The following TP53INP1 variants were observed in gnomAD, a reference collection of about 807,000 sequenced individuals.
TP53INP1 encodes the protein tumor protein p53 inducible nuclear protein 1, also known as tumor protein p53-inducible nuclear protein 1.
In TP53INP1, 12 loss-of-function variants were observed where a neutral mutation model predicts 21.0. The ratio of observed to expected loss-of-function variants is 0.57; its 90% CI spans 0.37 to 0.93. The LOEUF is 0.93. Among genes scored for constraint, TP53INP1 ranks in the 40% least tolerant of loss-of-function variants. The probability of loss-of-function intolerance (pLI) is 0.01; values close to 1 mark genes in which losing one functional copy is unlikely to be tolerated. For synonymous variants in TP53INP1, 91 were observed against 94.8 expected, an observed-to-expected ratio of 0.96 and a Z score of 0.23; for missense variants, 274 against 294.7, an observed-to-expected ratio of 0.93 and a Z score of 0.51.
At position 94,929,377 on chromosome 8, in the gene TP53INP1, C is replaced by T. The variant is rs1403906821; in HGVS notation, c.*1102G>A. 3 of 151,436 alleles carry T rather than the reference C, an allele frequency of 2.0e-5. No homozygotes were observed. Among genetic ancestry groups the T allele is most frequent in the East Asian group, 1.9e-4 (1 of 5,146 alleles). The allele number at this position is 151,436 out of a possible 1,614,324, so 9.4% of individuals were successfully genotyped here. ...GAAGTTAAAACAAAAAATGAAAAGT[C>T]ACTTGGACTGCAGGGAAGAATACTT... On this transcript the variant is annotated 3_prime_UTR_variant, in exon 4 of 4. Coordinates refer to ENST00000342697, the MANE Select transcript of TP53INP1 (RefSeq NM_033285.4).
chr8:94,936,704 T>C (rs1821009828), intron 3 of TP53INP1, among the ~76,000 whole-genome samples: 1 of 151,990 alleles, frequency 6.6e-6, no homozygotes, highest in Admixed American at 6.5e-5. Flanking sequence ...TTGAGGGGTA[T>C]ATTAGGACAT....
intron 1 of TP53INP1, among the ~76,000 whole-genome samples, chr8:94,948,381 A>T (rs1037179798): frequency 5.9e-5 from 9 of 152,218 alleles, no homozygotes; most frequent in African/African-American, 2.2e-4. Context: ...CCCCCAGCAT[A>T]GTATATGGCA....
intron 1 of TP53INP1, among the ~76,000 whole-genome samples, chr8:94,948,349 C>CAACATT (rs1822197542): frequency 6.6e-6 from 1 of 152,294 alleles, no homozygotes; most frequent in African/African-American, 2.4e-5. Flanking sequence ...TTATGAGAAT[C>CAACATT]AACTGGGGCG....
rs1410868570 is a variant in TP53INP1, at chr8:94,930,516, A to G, written c.686T>C (p.Val229Ala). The change falls in exon 4 of 4, where the codon GTT (valine) becomes GCT (alanine). Residue 229 changes from valine (V) to alanine (A), a missense_variant. Physicochemically the swap from Val to Ala is moderately conservative, Grantham distance 64. Coordinates refer to ENST00000342697, the MANE Select transcript of TP53INP1 (RefSeq NM_033285.4). ...HPRQVKHNGW[V>A]VHQPCPRQYN... ...CTGACGCGGGCAGGGCTGATGAACA[A>G]CCCAGCCATTGTGCTTGACTTGCCG... is the stretch of plus-strand genomic sequence containing the variant. 1 of 1,614,214 alleles carries G rather than the reference A, an allele frequency of 6.2e-7. No homozygotes were observed.
chr8:94,945,806 C>T (rs1464248368), intron 1 of TP53INP1, among the ~76,000 whole-genome samples: 3 of 152,208 alleles, frequency 2.0e-5, no homozygotes, highest in African/African-American at 2.4e-5. Context: ...GGTGAAGTAG[C>T]GCTGTTGTTC....
At chr8:94,943,523 G>A (rs1821740342) in intron 1 of TP53INP1, among the ~76,000 whole-genome samples, 1 of 152,114 alleles carries the variant, frequency 6.6e-6, no homozygotes, top group African/African-American at 2.4e-5. Flanking sequence ...ATCATCCAGG[G>A]CTGAAGAAAT....
intron 3 of TP53INP1, among the ~76,000 whole-genome samples, chr8:94,938,860 T>C (rs929374237): frequency 6.6e-6 from 1 of 152,208 alleles, no homozygotes; most frequent in Non-Finnish European, 1.5e-5. Context: ...AACACCAGTT[T>C]ACAGCTGGTT....
Position 94,949,139 on chromosome 8 carries a change from C to A in TP53INP1, c.-151+15G>T, listed in dbSNP as rs1822310735. ...GCCCTGGACGGACGCCCGCCCGCCC[C>A]CCCCCGGCACTTACGTGGGCCCGGG... On this transcript the variant is annotated intron_variant, in intron 1 of 3. Coordinates refer to ENST00000342697, the MANE Select transcript of TP53INP1 (RefSeq NM_033285.4). The A allele has an allele frequency of 6.7e-6, 1 of 149,354 alleles. No individual in the cohort carries two copies. The highest frequency in any genetic ancestry group is 1.5e-5 in the Non-Finnish European group (1 of 66,944). The allele number at this position is 149,354 out of a possible 1,614,324, so 9.3% of individuals were successfully genotyped here.
chr8:94,938,151 A>G (rs1436553164), intron 3 of TP53INP1, among the ~76,000 whole-genome samples: 1 of 152,234 alleles, frequency 6.6e-6, no homozygotes, highest in Non-Finnish European at 1.5e-5. Context: ...GGGTGAAGCT[A>G]CGTGTTTGCT....
intron 3 of TP53INP1, among the ~76,000 whole-genome samples, chr8:94,931,741 G>A (rs1820421260): frequency 6.6e-6 from 1 of 152,184 alleles, no homozygotes; most frequent in South Asian, 2.1e-4. Flanking sequence ...TTGGGAGGCT[G>A]AGGCAGGTGG....
chr8:94,934,389 ATTT>A (rs757874716), intron 3 of TP53INP1, among the ~76,000 whole-genome samples: 2 of 143,352 alleles, frequency 1.4e-5, no homozygotes, highest in Non-Finnish European at 3.1e-5. Flanking sequence ...TATAAATTCT[ATTT>A]TTTTTTTTTT....
rs144109211 is a variant in TP53INP1 at position 94,930,605 on chromosome 8, A to G, written c.597T>C (p.Ser199=). 3.1e-6 allele frequency: 5 copies of G among 1,614,218 alleles called. No homozygotes were observed. The African/African-American group carries it at 6.7e-5, about 22-fold the overall frequency. The change falls in exon 4 of 4, where the codon AGT becomes AGC. Residue 199 remains serine (S), a synonymous_variant. Transcript: ENST00000342697. ...TATTTCTGTTAAGAGGCTGTCTTTC[A>G]CTGTGTTCTTTTATCCACTGGGAAG... The part of the protein sequence containing the change: ...FRPSQWIKEH[S]ERQPLNRNSL...
At chr8:94,948,181 C>A (rs558402010) in intron 1 of TP53INP1, among the ~76,000 whole-genome samples, 4 of 152,252 alleles carry the variant, frequency 2.6e-5, no homozygotes, top group East Asian at 3.9e-4. Flanking sequence ...TCAGAAAATA[C>A]AAGCAAAACA....
At chr8:94,946,971 C>T (rs1822073686) in intron 1 of TP53INP1, among the ~76,000 whole-genome samples, 1 of 152,068 alleles carries the variant, frequency 6.6e-6, no homozygotes, top group South Asian at 2.1e-4. Flanking sequence ...TTTCTTTATC[C>T]ATAAAATGTC....
chr8:94,938,653 C>T (rs1035419521), intron 3 of TP53INP1, among the ~76,000 whole-genome samples: 1 of 152,202 alleles, frequency 6.6e-6, no homozygotes, highest in African/African-American at 2.4e-5. Flanking sequence ...CCATAAGACC[C>T]CAATAGTACT....
rs372962700 is a variant in TP53INP1, at chr8:94,940,374, CTTTTATTTAG to C, written c.113-164_113-155del. Among the ~76,000 whole-genome samples the C allele has an allele frequency of 4.5e-3, 691 of 152,164 alleles. 3 individuals carry two copies. Among genetic ancestry groups the C allele is most frequent in the African/African-American group, 0.015 (632 of 41,502 alleles). ...CTATTAGCTGATGCTCACGTATCTT[CTTTTATTTAG>C]TTCAGAAAACCATTTATATTCATCT... On this transcript the variant is annotated intron_variant, in intron 2 of 3. Coordinates refer to ENST00000342697, the MANE Select transcript of TP53INP1 (RefSeq NM_033285.4).
At position 94,939,851 on chromosome 8, in the gene TP53INP1, G is replaced by C; in HGVS notation, c.473+9C>G. The stretch of plus-strand genomic sequence containing the variant: ...ACTGCCTACAGAGAGTTAAATACTT[G>C]TAACGTACCTGGGACTACTTGGGCT... On this transcript the variant is annotated intron_variant, in intron 3 of 3. Transcript: ENST00000342697. 2 of 1,605,588 alleles carry C rather than the reference G, an allele frequency of 1.2e-6. No individual in the cohort carries two copies. The highest frequency in any genetic ancestry group is 1.7e-6 in the Non-Finnish European group (2 of 1,175,014).
In TP53INP1 at chr8:94,942,891, G is replaced by A. The variant is rs186580125; in HGVS notation, c.-150-1800C>T. Among the ~76,000 whole-genome samples the A allele has an allele frequency of 1.7e-3, 261 of 152,284 alleles. 1 individual carries two copies. Among genetic ancestry groups the A allele is most frequent in the African/African-American group, 6.1e-3 (253 of 41,550 alleles). On this transcript the variant is annotated intron_variant, in intron 1 of 3. Transcript: ENST00000342697. Reference sequence around the variant, plus strand: ...GTCACAATAGCAGGCTAGGGGAGCTGAGCAGGAACCAGGTCCTGCAGGGCC... The same window carrying A: ...GTCACAATAGCAGGCTAGGGGAGCTAAGCAGGAACCAGGTCCTGCAGGGCC...
intron 1 of TP53INP1, among the ~76,000 whole-genome samples, chr8:94,947,341 T>C (rs1463933406): frequency 6.6e-6 from 1 of 151,614 alleles, no homozygotes; most frequent in Non-Finnish European, 1.5e-5. Flanking sequence ...CTGTGTACAG[T>C]TGTGGCTCCT....
Sources: allele counts gnomAD v4.1 joint callset (sites outside exome capture counted in the v4.1 genomes callset), GRCh38; gene constraint gnomAD v4.1.1; transcripts MANE v1.5; gene names NCBI Gene and HGNC (gene_info 2026-07-23, HGNC 2026-07-21).